Variants in RPL26L1 observed in about 807,000 individuals in gnomAD.
RPL26L1 encodes the protein ribosomal protein L26 like 1.
A neutral mutation model predicts 15.2 loss-of-function variants in RPL26L1; 8 were observed. The ratio of observed to expected loss-of-function variants is 0.53; its 90% CI spans 0.31 to 0.95. The LOEUF (loss-of-function observed/expected upper bound fraction) is 0.95, where lower values mean the gene tolerates loss of function less well. Among genes scored for constraint, RPL26L1 ranks in the 40% least tolerant of loss-of-function variants. The pLI is 0.05. For synonymous variants in RPL26L1, 51 were observed against 65.9 expected (o/e 0.77, Z 1.09); for missense variants, 146 against 190.9 (o/e 0.76, Z 1.39).
chr5:172,965,216 T>G (rs1755409453), intron 2 of RPL26L1, among the ~76,000 whole-genome samples: 2 of 152,138 alleles, frequency 1.3e-5, no homozygotes, highest in Admixed American at 1.3e-4. Flanking sequence ...TCCCTGTTTC[T>G]GCCTAAGCCT....
intron 2 of RPL26L1, among the ~76,000 whole-genome samples, chr5:172,966,131 T>C (rs1301779510): frequency 6.6e-6 from 1 of 151,848 alleles, no homozygotes; most frequent in African/African-American, 2.4e-5. Flanking sequence ...TTAAAAATTT[T>C]TTAAATTAAT....
At chr5:172,955,273 C>CAT (rs2113510514), upstream of RPL26L1, 2 of 294,486 alleles carry the variant, frequency 6.8e-6, no homozygotes, top group African/African-American at 2.2e-5. Context: ...AGATTACAGG[C>CAT]GCCCACCACC....
upstream of RPL26L1, chr5:172,957,298 T>C (rs1374386052): frequency 4.4e-6 from 2 of 456,130 alleles, no homozygotes; most frequent in Non-Finnish European, 8.8e-6. Flanking sequence ...CCTGTTTTAA[T>C]TTTACTGAAC....
intron 2 of RPL26L1, among the ~76,000 whole-genome samples, chr5:172,963,897 C>T (rs1458333): frequency 1.3e-5 from 2 of 151,978 alleles, no homozygotes; most frequent in Non-Finnish European, 2.9e-5. Context: ...TGTCTATGTA[C>T]TCATTAACTG....
At chr5:172,966,851 C>T (rs1415959657) in intron 2 of RPL26L1, among the ~76,000 whole-genome samples, 2 of 151,210 alleles carry the variant, frequency 1.3e-5, no homozygotes, top group South Asian at 2.1e-4. Context: ...AGAGTCACAT[C>T]GTACCTGGTG....
chr5:172,958,820 G>A (rs1026600786), upstream of RPL26L1: 5 of 101,840 alleles, frequency 4.9e-5, no homozygotes, highest in Non-Finnish European at 1.1e-4. Context: ...GGAGCGGCCG[G>A]AGTGGGCGGG....
intron 2 of RPL26L1, among the ~76,000 whole-genome samples, chr5:172,967,129 C>T (rs1581612604): frequency 6.7e-6 from 1 of 149,440 alleles, no homozygotes; most frequent in East Asian, 2.2e-4. Flanking sequence ...GCTGGGATTA[C>T]AGGTGTGAAC....
chr5:172,961,914 A>G (rs72814126), intron 2 of RPL26L1, among the ~76,000 whole-genome samples: 4,066 of 152,328 alleles, frequency 0.027, 70 homozygotes, highest in Non-Finnish European at 0.04. Context: ...CAAGCTTCTT[A>G]AGAGTACTCT....
upstream of RPL26L1, chr5:172,955,329 A>G (rs926031379): frequency 2.3e-4 from 62 of 270,726 alleles, no homozygotes; most frequent in African/African-American, 7.4e-4. Context: ...GGGTTTCACC[A>G]TATTGGTCAG....
intron 2 of RPL26L1, among the ~76,000 whole-genome samples, chr5:172,967,890 A>ATTTATATGACATATGTATGTATGTATT (rs1019529731): frequency 6.6e-6 from 1 of 151,544 alleles, no homozygotes; most frequent in Admixed American, 6.6e-5. Flanking sequence ...ACGTGTATGT[A>ATTTATATGACATATGTATGTATGTATT]TATATGACAT....
At chr5:172,955,047 TGGGTGAAACCTGGGAAGAGG>T (rs992889380), upstream of RPL26L1, 13 of 450,966 alleles carry the variant, frequency 2.9e-5, no homozygotes, top group African/African-American at 1.0e-4. Flanking sequence ...CTGGTTGGGG[TGGGTGAAACCTGGGAAGAGG>T]GGGTGAAACC....
chr5:172,964,434 C>T (rs1233168131), intron 2 of RPL26L1, among the ~76,000 whole-genome samples: 2 of 151,956 alleles, frequency 1.3e-5, no homozygotes, highest in Non-Finnish European at 2.9e-5. Flanking sequence ...TACAGGCACA[C>T]ACCACCATGC....
chr5:172,966,250 C>T (rs1429022318), intron 2 of RPL26L1, among the ~76,000 whole-genome samples: 1 of 151,458 alleles, frequency 6.6e-6, no homozygotes, highest in Non-Finnish European at 1.5e-5. Flanking sequence ...TTCAAGTGAT[C>T]CTCCCACCTC....
chr5:172,961,734 G>A (rs1755240130), intron 2 of RPL26L1, among the ~76,000 whole-genome samples: 1 of 152,200 alleles, frequency 6.6e-6, no homozygotes, highest in Admixed American at 6.5e-5. Flanking sequence ...TAAAGAATAG[G>A]TAATAATCCG....
chr5:172,962,911 A>C (rs980543501), intron 2 of RPL26L1, among the ~76,000 whole-genome samples: 3 of 152,182 alleles, frequency 2.0e-5, no homozygotes, highest in African/African-American at 7.2e-5. Context: ...CCTCAGTTAA[A>C]AATAAAATGA....
At chr5:172,958,862 A>AGGGGCGGGGTCTAGGAGAG (rs1755094170), upstream of RPL26L1, 1 of 54,734 alleles carries the variant, frequency 1.8e-5, no homozygotes, top group Non-Finnish European at 3.9e-5. Flanking sequence ...TCTAGGAGAG[A>AGGGGCGGGGTCTAGGAGAG]GGGGCGGGGC....
chr5:172,959,567 TTGAG>T, intron 1 of RPL26L1, 99 bp downstream of exon 1: 4 of 1,191,656 alleles, frequency 3.4e-6, no homozygotes, highest in Non-Finnish European at 4.2e-6. Context: ...ACAGCTCTCT[TTGAG>T]TGACCTCCCG....
Position 172,968,455 on chromosome 5 carries a change from T to G in RPL26L1, c.169-4T>G. On this transcript the variant is annotated splice_polypyrimidine_tract_variant and splice_region_variant and intron_variant, in intron 2 of 3. Coordinates refer to ENST00000265100, the MANE Select transcript of RPL26L1 (RefSeq NM_016093.4). ...GGGGGATTCTCTTTTGTATTTTCTC[T>G]TAGGTAGTTCGAGGACACTACAAAG... The G allele has an allele frequency of 6.2e-7, 1 of 1,609,280 alleles. No individual in the cohort carries two copies. Among genetic ancestry groups the G allele is most frequent in the East Asian group, 2.2e-5 (1 of 44,872 alleles).
chr5:172,954,283 TG>T (rs1764302466), upstream of RPL26L1, among the ~76,000 whole-genome samples: 1 of 152,016 alleles, frequency 6.6e-6, no homozygotes, highest in South Asian at 2.1e-4. Flanking sequence ...GTAAAAGATT[TG>T]GGAGGCCGGA....
Sources: gnomAD v4.1 joint callset for allele counts (sites outside exome capture counted in the v4.1 genomes callset) on GRCh38, gnomAD v4.1.1 for gene constraint, MANE v1.5 for transcripts, NCBI Gene and HGNC (gene_info 2026-07-23, HGNC 2026-07-21) for gene names.